The following PLA2G2C variants were observed in gnomAD, a reference collection of about 807,000 sequenced individuals.
The protein encoded by PLA2G2C is putative inactive group IIC secretory phospholipase A2.
Under a neutral mutation model 14.3 loss-of-function variants are expected in PLA2G2C, and 15 were observed. The ratio of observed to expected loss-of-function variants is 1.05; its 90% CI spans 0.70 to 1.62. The LOEUF is 1.62. PLA2G2C is among the 40% of genes most tolerant of loss of function. The pLI is 0.00. For missense variants in PLA2G2C, 162 were observed against 173.2 expected, an observed-to-expected ratio of 0.94 and a Z score of 0.36; for synonymous variants, 79 against 67.7, an observed-to-expected ratio of 1.17 and a Z score of -0.82.
chr1:20,183,127 G>A (rs2018300506), intron 1 of PLA2G2C, among the ~76,000 whole-genome samples: 1 of 152,230 alleles, frequency 6.6e-6, no homozygotes, highest in African/African-American at 2.4e-5. Context: ...TGAAGATGAT[G>A]CAACAAGAGT....
intron 1 of PLA2G2C, among the ~76,000 whole-genome samples, chr1:20,178,965 G>C (rs1557789399): frequency 2.0e-5 from 3 of 152,238 alleles, no homozygotes; most frequent in Admixed American, 6.5e-5. Flanking sequence ...TGGGGTACCA[G>C]CTGCTGCTGA....
At chr1:20,175,287 A>ATTCCAGCC in intron 2 of PLA2G2C, 142 bp from the exon 3 acceptor site, 2 of 1,184,686 alleles carry the variant, frequency 1.7e-6, no homozygotes, top group Non-Finnish European at 2.4e-6. Context: ...GCATGGCTGG[A>ATTCCAGCC]ATCACCAGCC....
chr1:20,184,226 C>CACACACAG (rs1189935708), intron 1 of PLA2G2C: 9 of 152,154 alleles, frequency 5.9e-5, no homozygotes, highest in Non-Finnish European at 1.2e-4. Context: ...CACACACACA[C>CACACACAG]ACGGTGAGAA....
At chr1:20,177,263 T>A (rs2018203046) in intron 2 of PLA2G2C, 61 bp downstream of exon 2, 3 of 699,906 alleles carry the variant, frequency 4.3e-6, no homozygotes, top group Non-Finnish European at 7.8e-6. Context: ...GAGTCCCCCC[T>A]CCCACTGACA....
At chr1:20,183,881 C>T (rs2018317456) in intron 1 of PLA2G2C, among the ~76,000 whole-genome samples, 1 of 152,208 alleles carries the variant, frequency 6.6e-6, no homozygotes, top group African/African-American at 2.4e-5. Context: ...GGTGAGTCCA[C>T]ATTTCAGCTG....
At chr1:20,167,366 C>T (rs2017996394) in intron 4 of PLA2G2C, among the ~76,000 whole-genome samples, 4 of 152,190 alleles carry the variant, frequency 2.6e-5, no homozygotes, top group Admixed American at 2.6e-4. Flanking sequence ...CAGCTCTCCC[C>T]CCATCTTCAC....
intron 1 of PLA2G2C, among the ~76,000 whole-genome samples, chr1:20,185,027 G>A (rs528432940): frequency 2.2e-4 from 33 of 152,256 alleles, no homozygotes; most frequent in African/African-American, 7.0e-4. Flanking sequence ...GGTGGTGCAC[G>A]CCTGTAGTCC....
chr1:20,163,829 T>TC lies in PLA2G2C; in HGVS notation c.*161dup, dbSNP rs2017910971. 2.7e-6 allele frequency: 2 copies of TC among 733,854 alleles called. No homozygotes were observed. Among genetic ancestry groups the TC allele is most frequent in the African/African-American group, 1.8e-5 (1 of 55,636 alleles). The allele number at this position is 733,854 out of a possible 1,614,324, so 45.5% of individuals were successfully genotyped here. On this transcript the variant is annotated 3_prime_UTR_variant, in exon 5 of 5. Transcript: ENST00000679259. ...CCCTCTGATGCTGAACGACAGGGAG[T>TC]CCCCTTGGTCAGAATGCTGAAGGGT...
In PLA2G2C at chr1:20,177,394, A is replaced by G; in HGVS notation, c.-31T>C. The G allele has an allele frequency of 2.9e-6, 2 of 681,452 alleles. No individual in the cohort carries two copies. Among genetic ancestry groups the G allele is most frequent in the South Asian group, 1.6e-5 (1 of 64,102 alleles). 42.2% of individuals were successfully genotyped at this position (681,452 alleles called of 1,614,324 possible). On this transcript the variant is annotated 5_prime_UTR_variant, in exon 2 of 5. Transcript: ENST00000679259. Reference sequence around the variant, plus strand: ...AGGAGACCAGGGGGTCTGAGGTTCTACAGCCACGCCTTCACCTGTGTGTGA... The same window carrying G: ...AGGAGACCAGGGGGTCTGAGGTTCTGCAGCCACGCCTTCACCTGTGTGTGA...
intron 4 of PLA2G2C, among the ~76,000 whole-genome samples, chr1:20,165,106 G>A (rs545322389): frequency 2.6e-5 from 4 of 152,158 alleles, no homozygotes; most frequent in African/African-American, 9.6e-5. Context: ...CACCCTCATC[G>A]CCCTCCCCCT....
intron 1 of PLA2G2C, among the ~76,000 whole-genome samples, chr1:20,183,379 G>C (rs1362310807): frequency 6.6e-6 from 1 of 152,230 alleles, no homozygotes. Flanking sequence ...GGGCCATGGG[G>C]GAACACGCAG....
At chr1:20,164,197 G>T (rs1036813699) in intron 4 of PLA2G2C, 40 bp from the exon 5 acceptor site, 1 of 1,585,336 alleles carries the variant, frequency 6.3e-7, no homozygotes, top group Non-Finnish European at 8.6e-7. Flanking sequence ...TCCCAGCCCA[G>T]CCCCAGGGTT....
rs78344513 is a variant in PLA2G2C, at chr1:20,174,132, G to A, written c.179+875C>T. On this transcript the variant is annotated intron_variant, in intron 3 of 4. Coordinates refer to ENST00000679259, the MANE Select transcript of PLA2G2C (RefSeq NM_001367969.2). ...TGGCACATAAGGGCATTTCATAAGCGTCAGTTGCCCTTCCAAGGCTCTGAG... is the reference window on the plus strand; with the variant it reads ...TGGCACATAAGGGCATTTCATAAGCATCAGTTGCCCTTCCAAGGCTCTGAG... 2.5e-3 allele frequency among the ~76,000 whole-genome samples: 377 copies of A among 152,234 alleles called. 5 individuals are homozygous for A. In the East Asian group the frequency reaches 0.058, roughly 23 times the overall value.
At chr1:20,184,342 G>A (rs905117819) in intron 1 of PLA2G2C, 5 of 152,244 alleles carry the variant, frequency 3.3e-5, no homozygotes, top group African/African-American at 1.2e-4. Context: ...GGGCTGAAGA[G>A]CATCGCTAAG....
At chr1:20,184,197 G>GCACGCACACACACACACA (rs1553184789) in intron 1 of PLA2G2C, 1 of 149,618 alleles carries the variant, frequency 6.7e-6, no homozygotes, top group African/African-American at 2.5e-5. Flanking sequence ...GTGCGCACAC[G>GCACGCACACACACACACA]CACACACACA....
chr1:20,172,263 GC>G (rs1557786749), intron 4 of PLA2G2C, among the ~76,000 whole-genome samples: 1 of 151,944 alleles, frequency 6.6e-6, no homozygotes, highest in Non-Finnish European at 1.5e-5. Flanking sequence ...CCAGGGCCAC[GC>G]CCCATGTGAA....
chr1:20,176,263 G>A (rs1425319167), intron 2 of PLA2G2C, among the ~76,000 whole-genome samples: 3 of 152,090 alleles, frequency 2.0e-5, no homozygotes, highest in African/African-American at 4.8e-5. Context: ...ATGTGTGTGG[G>A]TAAACGCTGT....
intron 2 of PLA2G2C, 127 bp downstream of exon 2, chr1:20,177,197 C>T (rs2018201280): frequency 1.4e-6 from 1 of 692,848 alleles, no homozygotes. Flanking sequence ...GAGCCCGTTC[C>T]TTTCCTGATT....
chr1:20,182,829 CCAAA>C (rs1424261770), intron 1 of PLA2G2C, among the ~76,000 whole-genome samples: 1 of 152,220 alleles, frequency 6.6e-6, no homozygotes, highest in Non-Finnish European at 1.5e-5. Flanking sequence ...CAAAATGGGG[CCAAA>C]CACTCTGTGG....
Sources: allele counts gnomAD v4.1 joint callset (sites outside exome capture counted in the v4.1 genomes callset), GRCh38; gene constraint gnomAD v4.1.1; transcripts MANE v1.5; gene names NCBI Gene and HGNC (gene_info 2026-07-23, HGNC 2026-07-21).